The following TSR1 variants were observed in gnomAD, a reference collection of about 807,000 sequenced individuals.
TSR1 encodes pre-rRNA-processing protein TSR1 homolog.
Under a neutral mutation model 90.9 loss-of-function variants are expected in TSR1, and 81 were observed. The ratio of observed to expected loss-of-function variants is 0.89; its 90% CI spans 0.74 to 1.07. The LOEUF (loss-of-function observed/expected upper bound fraction) is 1.07, where lower values mean the gene tolerates loss of function less well. Ranked by LOEUF, TSR1 falls within the 50% of genes least tolerant of loss-of-function variation. The pLI, the probability that TSR1 is intolerant of heterozygous loss-of-function variation, is 0.00. For missense variants in TSR1, 989 were observed against 987.3 expected (o/e 1.00, Z -0.02); for synonymous variants, 362 against 348.8 (o/e 1.04, Z -0.42).
In TSR1 at chr17:2,322,460, G is replaced by T. The variant is rs1336954526; in HGVS notation, c.*1736C>A. 6.6e-6 allele frequency: 1 copy of T among 152,162 alleles called. No homozygotes were observed. The highest frequency in any genetic ancestry group is 2.4e-5 in the African/African-American group (1 of 41,434). 9.4% of individuals were successfully genotyped at this position (152,162 alleles called of 1,614,324 possible). A position where few individuals can be genotyped will look rare whatever the true frequency, so the allele number is the denominator to read the frequency against. On this transcript the variant is annotated 3_prime_UTR_variant, in exon 15 of 15. Transcript: ENST00000301364. ...ATATTTTCATTACATCCACAAAAGG[G>T]AAGGCTCTTACTTGGGCAGAAATGT...
chr17:2,334,930 C>A, intron 4 of TSR1, 34 bp from the exon 5 acceptor site: 1 of 1,575,024 alleles, frequency 6.3e-7, no homozygotes, highest in South Asian at 1.1e-5. Flanking sequence ...TCATGACCTA[C>A]TGCTTCATTA....
chr17:2,330,339 C>T (rs778234635), intron 10 of TSR1, 176 bp downstream of exon 10: 11 of 741,120 alleles, frequency 1.5e-5, no homozygotes, highest in South Asian at 6.8e-5. Context: ...CAGGTTCAGA[C>T]GATATGAATA....
Position 2,330,513 on chromosome 17 carries a change from A to C in TSR1, c.1770+2T>G, listed in dbSNP as rs770634092. The stretch of plus-strand genomic sequence containing the variant: ...CCATTTTCCCACAAGACAGCAATTT[A>C]CCTTCTGTTCATGAGGTAGTAAAGA... On this transcript the variant is annotated splice_donor_variant, in intron 10 of 14. Coordinates refer to ENST00000301364, the MANE Select transcript of TSR1 (RefSeq NM_018128.5). LOFTEE classifies it high-confidence loss of function. 8 of 1,612,998 alleles carry C rather than the reference A, an allele frequency of 5.0e-6. No individual in the cohort carries two copies. In the East Asian group the frequency reaches 1.8e-4, roughly 36 times the overall value.
chr17:2,334,956 G>A, intron 4 of TSR1, 60 bp from the exon 5 acceptor site: 1 of 1,532,674 alleles, frequency 6.5e-7, no homozygotes, highest in East Asian at 2.3e-5. Flanking sequence ...AAATCCCTCT[G>A]CAGTTCACAA....
chr17:2,336,061 C>G lies in TSR1; in HGVS notation c.177G>C (p.Gln59His), dbSNP rs767786541. 1 of 1,614,090 alleles carries G rather than the reference C, an allele frequency of 6.2e-7. No individual in the cohort carries two copies. The highest frequency in any genetic ancestry group is 2.2e-5 in the East Asian group (1 of 44,896). Residue 59 changes from glutamine (Q) to histidine (H), a missense_variant, in exon 2 of 15, where the codon CAG becomes CAC. Physicochemically the swap from Gln to His is conservative, Grantham distance 24. Coordinates refer to ENST00000301364, the MANE Select transcript of TSR1 (RefSeq NM_018128.5). ...CCGCCTCCTTCTTCTGCTTTCGGAG[C>G]TGGCTGGCGCGATGCCTCTGGTCGA... ...SRVDQRHRAS[Q>H]LRKQKKEAVL...
chr17:2,325,577 C>T (rs2075571542), intron 11 of TSR1, among the ~76,000 whole-genome samples, 157 bp from the exon 12 acceptor site: 1 of 152,096 alleles, frequency 6.6e-6, no homozygotes, highest in South Asian at 2.1e-4. Context: ...CCTCAATGCA[C>T]CTAAAAGATA....
Position 2,333,712 on chromosome 17 carries a change from C to T in TSR1, c.986G>A (p.Cys329Tyr). 2 of 1,614,004 alleles carry T rather than the reference C, an allele frequency of 1.2e-6. No individual in the cohort carries two copies. Among genetic ancestry groups the T allele is most frequent in the Non-Finnish European group, 1.7e-6 (2 of 1,179,986 alleles). ...CATATCATCTACAGCATCCGTAGCA[C>T]AAATCTGAAAACCAAAAGCAGGTGA... ...QKDPDMAMEI[C>Y]ATDAVDDMEE... The change falls in exon 6 of 15, where the codon TGT becomes TAT. Residue 329 changes from cysteine (C) to tyrosine (Y), a missense_variant. Cys to Tyr is a radical substitution (Grantham distance 194). Coordinates refer to ENST00000301364, the MANE Select transcript of TSR1 (RefSeq NM_018128.5).
At position 2,324,701 on chromosome 17, in the gene TSR1, A is replaced by G. The variant is rs2075564071; in HGVS notation, c.2149T>C (p.Phe717Leu). The G allele has an allele frequency of 6.2e-7, 1 of 1,614,036 alleles. No homozygotes were observed. The highest frequency in any genetic ancestry group is 1.3e-5 in the African/African-American group (1 of 74,936). ...CCTTCATACCCACCTCTGTTGAAGA[A>G]CATGTAACGTACTACTGCCATCTTA... ...FTKMAVVRYM[F>L]FNREDVLWFK... The change falls in exon 13 of 15, where the codon TTC becomes CTC. Residue 717 changes from phenylalanine (F) to leucine (L), a missense_variant. Coordinates refer to ENST00000301364, the MANE Select transcript of TSR1 (RefSeq NM_018128.5).
chr17:2,324,922 G>C (rs1161867422), intron 12 of TSR1, 93 bp from the exon 13 acceptor site: 1 of 1,444,328 alleles, frequency 6.9e-7, no homozygotes, highest in African/African-American at 1.4e-5. Context: ...GCAAGAGCCT[G>C]GTTTGTCATC....
At chr17:2,325,119 T>C (rs2075568092) in intron 12 of TSR1, 185 bp downstream of exon 12, 2 of 602,366 alleles carry the variant, frequency 3.3e-6, no homozygotes, top group South Asian at 4.6e-5. Flanking sequence ...GGCTATACAC[T>C]GTTTCACGTA....
chr17:2,329,237 AC>A, intron 11 of TSR1, 105 bp downstream of exon 11: 1 of 1,529,554 alleles, frequency 6.5e-7, no homozygotes, highest in Non-Finnish European at 9.0e-7. Flanking sequence ...AATACCTCTA[AC>A]CCAGAGATGT....
chr17:2,330,685 A>C (rs1369358935), intron 9 of TSR1, 60 bp from the exon 10 acceptor site: 1 of 1,528,956 alleles, frequency 6.5e-7, no homozygotes, highest in Non-Finnish European at 9.0e-7. Context: ...AATAGCGAGG[A>C]AGCTTTCTCC....
At chr17:2,324,468 A>C in intron 14 of TSR1, 36 bp downstream of exon 14, 1 of 1,613,958 alleles carries the variant, frequency 6.2e-7, no homozygotes, top group Non-Finnish European at 8.5e-7. Context: ...ACACTGCAGA[A>C]ATGCAGACAT....
rs1403198798 is a variant in TSR1, at chr17:2,332,247, T to C, written c.1418A>G (p.Glu473Gly). The C allele has an allele frequency of 3.1e-6, 5 of 1,614,180 alleles. No individual in the cohort carries two copies. In the Middle Eastern group the frequency reaches 4.9e-4, roughly 160 times the overall value. ...TTCCAGTCTTTCTTGTTTATATTTC[T>C]CCAACATTTTTGCCTCAGCTTCTTC... ...VDEEAEAKML[E>G]KYKQERLEEM... The change falls in exon 8 of 15, where the codon GAG becomes GGG. Residue 473 changes from glutamate (E) to glycine (G), a missense_variant. Physicochemically the swap from Glu to Gly is moderately conservative, Grantham distance 98. Transcript: ENST00000301364.
chr17:2,330,739 C>T, intron 9 of TSR1, 114 bp from the exon 10 acceptor site: 1 of 1,204,144 alleles, frequency 8.3e-7, no homozygotes, highest in Non-Finnish European at 1.2e-6. Context: ...AGCCAACCCT[C>T]ATCCTTCAAG....
At position 2,331,210 on chromosome 17, in the gene TSR1, C is replaced by T. The variant is rs1245737231; in HGVS notation, c.1497-101G>A. The T allele has an allele frequency of 1.1e-5, 11 of 976,074 alleles. No homozygotes were observed. The East Asian group carries it at 2.7e-4, about 24-fold the overall frequency. The allele number at this position is 976,074 out of a possible 1,614,324, so 60.5% of individuals were successfully genotyped here. A position where few individuals can be genotyped will look rare whatever the true frequency, so the allele number is the denominator to read the frequency against. ...TGGCTAAGGAGCTAGCTGAAAAGAA[C>T]TCCAATCATCCTCTCTCCAAACAAC... On this transcript the variant is annotated intron_variant, in intron 8 of 14. Coordinates refer to ENST00000301364, the MANE Select transcript of TSR1 (RefSeq NM_018128.5).
chr17:2,328,737 A>G (rs2151440291), intron 11 of TSR1, among the ~76,000 whole-genome samples: 1 of 151,532 alleles, frequency 6.6e-6, no homozygotes, highest in East Asian at 1.9e-4. Flanking sequence ...TAACACGGTG[A>G]AACCCCGTCT....
rs1212368597 is a variant in TSR1, at chr17:2,335,506, C to A, written c.421+5G>T. ...ATAATACAAAATATTGGTGTATACT[C>A]TAACCTGGCCTTGCTGAGGTGAAAA... On this transcript the variant is annotated splice_donor_5th_base_variant and intron_variant, in intron 3 of 14. Coordinates refer to ENST00000301364, the MANE Select transcript of TSR1 (RefSeq NM_018128.5). The A allele has an allele frequency of 6.2e-7, 1 of 1,613,580 alleles. No individual in the cohort carries two copies. The highest frequency in any genetic ancestry group is 8.5e-7 in the Non-Finnish European group (1 of 1,179,842).
At chr17:2,335,176 G>A in intron 4 of TSR1, 84 bp downstream of exon 4, 1 of 1,409,254 alleles carries the variant, frequency 7.1e-7, no homozygotes, top group Non-Finnish European at 9.7e-7. Flanking sequence ...AGCTGAATAT[G>A]ATCCATCAGT....
Sources: allele counts gnomAD v4.1 joint callset (sites outside exome capture counted in the v4.1 genomes callset), GRCh38; gene constraint gnomAD v4.1.1; transcripts MANE v1.5; gene names NCBI Gene and HGNC (gene_info 2026-07-23, HGNC 2026-07-21).